Variants in SLC12A9 observed in about 807,000 individuals in gnomAD.
The protein encoded by SLC12A9 is solute carrier family 12 member 9.
SLC12A9 carries 55 observed loss-of-function variants against 66.0 expected under a neutral mutation model. That is an observed-to-expected ratio of 0.83 (90% confidence interval 0.67 to 1.04). The LOEUF is 1.04. SLC12A9 is among the 50% of genes least tolerant of loss of function. SLC12A9 has a pLI of 0.00. For synonymous variants in SLC12A9, 577 were observed against 569.0 expected (o/e 1.01, Z -0.20); for missense variants, 1,061 against 1,241.9 (o/e 0.85, Z 2.19).
chr7:100,838,929 T>C (rs889403799), intron 1 of SLC12A9, among the ~76,000 whole-genome samples: 1 of 152,014 alleles, frequency 6.6e-6, no homozygotes, highest in Admixed American at 6.6e-5. Context: ...TTTGTTCCGA[T>C]CTAATTACCG....
chr7:100,844,473 T>C (rs775260112), intron 1 of SLC12A9, among the ~76,000 whole-genome samples: 3 of 152,170 alleles, frequency 2.0e-5, no homozygotes, highest in Non-Finnish European at 4.4e-5. Flanking sequence ...CTATCATTAA[T>C]AGTAATAAGT....
chr7:100,864,322 C>G (rs1266007061), intron 13 of SLC12A9, among the ~76,000 whole-genome samples: 1 of 152,122 alleles, frequency 6.6e-6, no homozygotes, highest in African/African-American at 2.4e-5. Flanking sequence ...CTCAGGTGAT[C>G]CGCCTGCCTC....
At chr7:100,832,308 C>T (rs913723513) in intron 1 of SLC12A9, among the ~76,000 whole-genome samples, 27 of 152,048 alleles carry the variant, frequency 1.8e-4, no homozygotes, top group Admixed American at 9.8e-4. Flanking sequence ...AGTTTGAGAC[C>T]GGCCTGGGCA....
At chr7:100,862,159 G>A (rs1814797990) in intron 12 of SLC12A9, among the ~76,000 whole-genome samples, 1 of 152,034 alleles carries the variant, frequency 6.6e-6, no homozygotes, top group Non-Finnish European at 1.5e-5. Context: ...GTTTCACCAT[G>A]TTGGCCAAGC....
intron 1 of SLC12A9, among the ~76,000 whole-genome samples, chr7:100,853,077 G>A (rs1232493895): frequency 6.6e-6 from 1 of 152,016 alleles, no homozygotes; most frequent in African/African-American, 2.4e-5. Context: ...GGGAGGAATC[G>A]GGGAGGCTAA....
chr7:100,827,522 C>A (rs965839394), intron 1 of SLC12A9: 1 of 150,262 alleles, frequency 6.7e-6, no homozygotes, highest in Non-Finnish European at 1.5e-5. Context: ...TGCGCTGGAA[C>A]TGGGCCGGGC....
At chr7:100,832,053 T>C (rs1201426459) in intron 1 of SLC12A9, among the ~76,000 whole-genome samples, 1 of 152,196 alleles carries the variant, frequency 6.6e-6, no homozygotes, top group Non-Finnish European at 1.5e-5. Flanking sequence ...TAAATTTTTA[T>C]AAACAATGAT....
intron 4 of SLC12A9, 170 bp from the exon 5 acceptor site, chr7:100,856,698 G>T: frequency 1.5e-6 from 1 of 652,124 alleles, no homozygotes; most frequent in East Asian, 2.8e-5. Context: ...TTTTTGTGGA[G>T]CTGGGGTTTC....
chr7:100,850,259 CTTTTT>C (rs3048154), upstream of SLC12A9, among the ~76,000 whole-genome samples: 2,812 of 80,626 alleles, frequency 0.035, 220 homozygotes, highest in East Asian at 0.49. Context: ...TTCTTTCTTT[CTTTTT>C]TTTTTTTTTT....
intron 7 of SLC12A9, chr7:100,859,458 G>A (rs1562992552): frequency 2.4e-6 from 1 of 416,522 alleles, no homozygotes. Flanking sequence ...GCTCACACCT[G>A]TAATCCCAGC....
intron 2 of SLC12A9, 55 bp from the exon 3 acceptor site, chr7:100,854,565 G>A (rs932879693): frequency 1.9e-6 from 3 of 1,610,108 alleles, no homozygotes; most frequent in East Asian, 2.2e-5. Flanking sequence ...GAACCAGGGG[G>A]TGGGGGATAT....
chr7:100,835,078 G>A (rs186157562), intron 1 of SLC12A9, among the ~76,000 whole-genome samples: 49 of 152,234 alleles, frequency 3.2e-4, no homozygotes, highest in African/African-American at 9.9e-4. Flanking sequence ...GTGATTGGCC[G>A]GGTGCAGTGG....
chr7:100,859,739 G>T, intron 7 of SLC12A9, 146 bp from the exon 8 acceptor site: 1 of 991,700 alleles, frequency 1.0e-6, no homozygotes, highest in Non-Finnish European at 1.5e-6. Flanking sequence ...TGACCACTGA[G>T]TGATTAAATC....
chr7:100,866,559 C>G lies in SLC12A9; in HGVS notation c.2699C>G (p.Thr900Arg). 7.6e-6 allele frequency: 12 copies of G among 1,588,254 alleles called. No homozygotes were observed. The highest frequency in any genetic ancestry group is 1.0e-5 in the Non-Finnish European group (12 of 1,168,498). Residue 900 changes from threonine to arginine, a missense_variant, in exon 14 of 14, where the codon ACG becomes AGG. Physicochemically the swap from Thr to Arg is moderately conservative, Grantham distance 71. Transcript: ENST00000354161. This position sits in a 1 kb window ranked among gnomAD's most constrained non-coding sequence, Gnocchi z 7.3. ...LETLTRDLGP[T>R]LLVHGVTPVT... The stretch of plus-strand genomic sequence containing the variant: ...ACTCTAACCCGAGACCTGGGCCCCA[C>G]GCTGCTGGTTCATGGGGTCACTCCA...
chr7:100,845,595 C>T (rs557020634), intron 1 of SLC12A9, among the ~76,000 whole-genome samples: 5 of 152,216 alleles, frequency 3.3e-5, no homozygotes, highest in East Asian at 1.9e-4. Flanking sequence ...GTGATCCACC[C>T]GCCTCGGCCT....
In SLC12A9 at chr7:100,866,466, C is replaced by A; in HGVS notation, c.2606C>A (p.Thr869Asn). ...GDAEGPITALTFLYLPRPPAD... is the reference protein window; with the variant it reads ...GDAEGPITALNFLYLPRPPAD... Reference sequence around the variant, plus strand: ...GCTGAGGGCCCCATCACAGCCCTCACCTTCCTGTACTTGCCTCGGCCGCCA... The same window carrying A: ...GCTGAGGGCCCCATCACAGCCCTCAACTTCCTGTACTTGCCTCGGCCGCCA... The change falls in exon 14 of 14, where the codon ACC becomes AAC. Residue 869 changes from threonine (T) to asparagine (N), a missense_variant. Coordinates refer to ENST00000354161, the MANE Select transcript of SLC12A9 (RefSeq NM_020246.4). The surrounding 1 kb of genome is among the most constrained non-coding windows in gnomAD (Gnocchi z 7.3). 6.4e-7 allele frequency: 1 copy of A among 1,551,314 alleles called. No homozygotes were observed.
intron 4 of SLC12A9, chr7:100,856,541 G>T (rs942634943): frequency 1.2e-5 from 3 of 240,530 alleles, no homozygotes; most frequent in East Asian, 8.3e-5. Context: ...TTGAGAGAAG[G>T]TCTCACTCTG....
intron 1 of SLC12A9, among the ~76,000 whole-genome samples, chr7:100,842,960 A>G (rs148978521): frequency 1.2e-4 from 18 of 152,362 alleles, no homozygotes; most frequent in African/African-American, 3.4e-4. Flanking sequence ...GTCTCCCAAC[A>G]CTAAGTTCAC....
At chr7:100,860,306 G>T in intron 9 of SLC12A9, 74 bp downstream of exon 9, 1 of 1,482,586 alleles carries the variant, frequency 6.7e-7, no homozygotes, top group Non-Finnish European at 9.3e-7. Context: ...TTAGATGCAG[G>T]CTGGGAGACA....
Sources: gnomAD v4.1 joint callset for allele counts (sites outside exome capture counted in the v4.1 genomes callset) on GRCh38, gnomAD v4.1.1 for gene constraint, Gnocchi (gnomAD v3.1) non-coding constraint, MANE v1.5 for transcripts, NCBI Gene and HGNC (gene_info 2026-07-23, HGNC 2026-07-21) for gene names.